The following LDB2 variants were observed in gnomAD, a reference collection of about 807,000 sequenced individuals.
LDB2 encodes LIM domain-binding protein 2.
In LDB2, 12 loss-of-function variants were observed where a neutral mutation model predicts 44.3. That is an observed-to-expected ratio of 0.27 (90% CI 0.17 to 0.44). The LOEUF is 0.44. Ranked by LOEUF, LDB2 falls within the 20% of genes least tolerant of loss-of-function variation. The pLI, the probability that LDB2 is intolerant of heterozygous loss-of-function variation, is 1.00. For missense variants in LDB2, 344 were observed against 473.5 expected, an observed-to-expected ratio of 0.73 and a Z score of 2.54; for synonymous variants, 164 against 174.8, an observed-to-expected ratio of 0.94 and a Z score of 0.49.
rs1269277897 is a variant in LDB2 at position 16,696,297 on chromosome 4, T to C, written c.235+62861A>G. Among the ~76,000 whole-genome samples the C allele has an allele frequency of 3.4e-4, 52 of 152,142 alleles. 1 individual carries two copies. Among genetic ancestry groups the C allele is most frequent in the Admixed American group, 3.4e-3 (52 of 15,276 alleles). ...CAGCTGGATCAGGTGCTGCAGAGCCTAGAGACAGGCTAACCCATCGTCCCT... is the reference window on the plus strand; with the variant it reads ...CAGCTGGATCAGGTGCTGCAGAGCCCAGAGACAGGCTAACCCATCGTCCCT... On this transcript the variant is annotated intron_variant, in intron 2 of 7. Transcript: ENST00000304523.
chr4:16,681,794 A>T (rs930384762), intron 2 of LDB2, among the ~76,000 whole-genome samples: 5 of 151,774 alleles, frequency 3.3e-5, no homozygotes, highest in Non-Finnish European at 7.4e-5. Flanking sequence ...GATGGTCTGG[A>T]TCTTCTGACC....
chr4:16,552,006 T>G (rs754694677), intron 5 of LDB2, among the ~76,000 whole-genome samples: 5 of 152,156 alleles, frequency 3.3e-5, no homozygotes, highest in Non-Finnish European at 7.3e-5. Context: ...CTTCCAACTA[T>G]CCAACAAATA....
chr4:16,581,394 G>A (rs1714385034), intron 5 of LDB2: 1 of 983,828 alleles, frequency 1.0e-6, no homozygotes, highest in South Asian at 4.7e-5. Context: ...ATGTCACAGT[G>A]AGAGGATGCT....
chr4:16,831,733 T>C (rs531430114), intron 1 of LDB2, among the ~76,000 whole-genome samples: 1 of 152,340 alleles, frequency 6.6e-6, no homozygotes, highest in South Asian at 2.1e-4. Flanking sequence ...TGGATATTAA[T>C]TGAGCACATG....
chr4:16,504,077 C>T (rs1718399394), intron 7 of LDB2, among the ~76,000 whole-genome samples: 1 of 152,024 alleles, frequency 6.6e-6, no homozygotes, highest in Non-Finnish European at 1.5e-5. Flanking sequence ...CCACTGAGGC[C>T]AGAGAAGGTA....
At chr4:16,848,421 C>G (rs904495205) in intron 1 of LDB2, among the ~76,000 whole-genome samples, 1 of 152,186 alleles carries the variant, frequency 6.6e-6, no homozygotes, top group African/African-American at 2.4e-5. Flanking sequence ...GCACACATTT[C>G]TAAGAAGACA....
At chr4:16,566,513 A>C (rs1744582318) in intron 5 of LDB2, among the ~76,000 whole-genome samples, 1 of 152,122 alleles carries the variant, frequency 6.6e-6, no homozygotes, top group Non-Finnish European at 1.5e-5. Flanking sequence ...TAACCCCTAA[A>C]ATTTCAGGTG....
chr4:16,521,287 A>G (rs1725975845), intron 5 of LDB2, among the ~76,000 whole-genome samples: 2 of 152,128 alleles, frequency 1.3e-5, no homozygotes, highest in South Asian at 2.1e-4. Context: ...GCCATGTCTC[A>G]TCCTAGCTGC....
intron 2 of LDB2, among the ~76,000 whole-genome samples, chr4:16,737,726 CAT>C (rs1313761993): frequency 6.6e-6 from 1 of 152,076 alleles, no homozygotes; most frequent in African/African-American, 2.4e-5. Flanking sequence ...GTAAAGAAAA[CAT>C]ATAAACTTGG....
At chr4:16,628,031 G>T (rs1730788874) in intron 2 of LDB2, among the ~76,000 whole-genome samples, 1 of 152,112 alleles carries the variant, frequency 6.6e-6, no homozygotes, top group Admixed American at 6.5e-5. Context: ...CTGATTCCAT[G>T]TGGCCAATTC....
intron 1 of LDB2, among the ~76,000 whole-genome samples, chr4:16,843,418 T>C (rs1292134816): frequency 6.6e-6 from 1 of 152,144 alleles, no homozygotes; most frequent in East Asian, 1.9e-4. Flanking sequence ...CAGTTGTAAA[T>C]GAGTGAATGA....
chr4:16,687,224 C>T (rs1478924178), intron 2 of LDB2, among the ~76,000 whole-genome samples: 4 of 152,056 alleles, frequency 2.6e-5, no homozygotes, highest in Non-Finnish European at 4.4e-5. Context: ...TTTTGAAATC[C>T]TATCCTCCAA....
chr4:16,712,087 A>G (rs1209859857), intron 2 of LDB2, among the ~76,000 whole-genome samples: 9 of 152,186 alleles, frequency 5.9e-5, no homozygotes, highest in Admixed American at 5.9e-4. Context: ...ATTTTAAAAA[A>G]TTGTGCTTCA....
chr4:16,623,807 A>G (rs2152484690), intron 2 of LDB2, among the ~76,000 whole-genome samples: 1 of 152,058 alleles, frequency 6.6e-6, no homozygotes, highest in East Asian at 1.9e-4. Flanking sequence ...ATATATTTAA[A>G]GAGCTTAACA....
At chr4:16,569,802 T>G (rs998956738) in intron 5 of LDB2, among the ~76,000 whole-genome samples, 3 of 152,182 alleles carry the variant, frequency 2.0e-5, no homozygotes, top group Non-Finnish European at 4.4e-5. Context: ...AATGCTTAAG[T>G]TGGAAAAGGG....
At chr4:16,588,602 G>A in intron 4 of LDB2, 108 bp downstream of exon 4, 1 of 1,161,090 alleles carries the variant, frequency 8.6e-7, no homozygotes, top group Non-Finnish European at 1.2e-6. Context: ...CCTAAAGCGT[G>A]ACAACTACTG....
intron 1 of LDB2, among the ~76,000 whole-genome samples, chr4:16,777,090 A>G (rs965371638): frequency 4.6e-5 from 7 of 152,174 alleles, no homozygotes; most frequent in African/African-American, 1.7e-4. Context: ...AATCCTGAAG[A>G]ATGGGAGGGA....
chr4:16,622,366 C>G (rs985577286), intron 2 of LDB2, among the ~76,000 whole-genome samples: 2 of 152,182 alleles, frequency 1.3e-5, no homozygotes, highest in Non-Finnish European at 1.5e-5. Context: ...GAACCAGATA[C>G]TTGCTTACAA....
chr4:16,781,633 A>G (rs796307222), intron 1 of LDB2, among the ~76,000 whole-genome samples: 13 of 152,308 alleles, frequency 8.5e-5, no homozygotes, highest in African/African-American at 2.9e-4. Context: ...ACTGATGCTC[A>G]TCAAAGTTAA....
Sources: allele counts gnomAD v4.1 joint callset (sites outside exome capture counted in the v4.1 genomes callset), GRCh38; gene constraint gnomAD v4.1.1; transcripts MANE v1.5; gene names NCBI Gene and HGNC (gene_info 2026-07-23, HGNC 2026-07-21).